The following RBFOX3 variants were observed in gnomAD, a reference collection of about 807,000 sequenced individuals.
RBFOX3 encodes the protein RNA binding protein fox-1 homolog 3.
A neutral mutation model predicts 48.7 loss-of-function variants in RBFOX3; 17 were observed. The ratio of observed to expected loss-of-function variants is 0.35; its 90% CI spans 0.24 to 0.52. RBFOX3 has a LOEUF of 0.52. Ranked by LOEUF, RBFOX3 falls within the 20% of genes least tolerant of loss-of-function variation. The pLI is 0.94. For synonymous variants in RBFOX3, 212 were observed against 209.5 expected, an observed-to-expected ratio of 1.01 and a Z score of -0.10; for missense variants, 382 against 497.5, an observed-to-expected ratio of 0.77 and a Z score of 2.21.
intron 4 of RBFOX3, among the ~76,000 whole-genome samples, chr17:79,158,980 T>C (rs745509470): frequency 6.6e-6 from 1 of 152,138 alleles, no homozygotes; most frequent in Non-Finnish European, 1.5e-5. Flanking sequence ...GCACCTGCTG[T>C]ATACTAAGCG....
chr17:79,191,012 C>G (rs1388153220), intron 4 of RBFOX3, among the ~76,000 whole-genome samples: 1 of 152,180 alleles, frequency 6.6e-6, no homozygotes, highest in Non-Finnish European at 1.5e-5. Flanking sequence ...ACTGAGGAAA[C>G]AGCATTCAGG....
chr17:79,589,261 C>T (rs2093349665), intron 1 of RBFOX3, among the ~76,000 whole-genome samples: 1 of 151,532 alleles, frequency 6.6e-6, no homozygotes, highest in Admixed American at 6.6e-5. Context: ...CGCAGGTGGG[C>T]TTCTTCTGGG....
the RBFOX3 span, among the ~76,000 whole-genome samples, chr17:79,633,718 T>C: frequency 6.6e-6 from 1 of 152,092 alleles, no homozygotes; most frequent in African/African-American, 2.4e-5. Flanking sequence ...GTCAGTAGAA[T>C]TTCCATCGTG....
At chr17:79,138,784 C>T (rs1459338619) in intron 4 of RBFOX3, among the ~76,000 whole-genome samples, 1 of 33,324 alleles carries the variant, frequency 3.0e-5, no homozygotes, top group Non-Finnish European at 6.2e-5. Context: ...ACAGCACATG[C>T]CTTCACGCCC....
intron 2 of RBFOX3, among the ~76,000 whole-genome samples, chr17:79,436,893 G>A (rs1291286222): frequency 6.6e-6 from 1 of 152,116 alleles, no homozygotes; most frequent in African/African-American, 2.4e-5. Context: ...CCCTCCACTT[G>A]GCCCCTGGTG....
chr17:79,513,216 CATA>C (rs2084743583), intron 1 of RBFOX3, among the ~76,000 whole-genome samples: 1 of 151,412 alleles, frequency 6.6e-6, no homozygotes, highest in African/African-American at 2.4e-5. Flanking sequence ...CCAGGGGACA[CATA>C]CCTGGATACA....
chr17:79,386,773 T>C (rs1472291939), intron 2 of RBFOX3, among the ~76,000 whole-genome samples: 1 of 152,056 alleles, frequency 6.6e-6, no homozygotes, highest in East Asian at 1.9e-4. Context: ...CAGGACCACA[T>C]TTCTGACTAG....
At chr17:79,122,213 A>G (rs62064680) in intron 4 of RBFOX3, among the ~76,000 whole-genome samples, 108,136 of 151,974 alleles carry the variant, frequency 0.71, 38,798 homozygotes, top group East Asian at 0.84. Flanking sequence ...CACTGCTCCC[A>G]CCTTGGTCGG....
chr17:79,474,029 T>C (rs1041680253), intron 2 of RBFOX3, among the ~76,000 whole-genome samples: 1 of 152,048 alleles, frequency 6.6e-6, no homozygotes, highest in Non-Finnish European at 1.5e-5. Flanking sequence ...AGAATAATTT[T>C]CTCCAAATCT....
In RBFOX3 at chr17:79,531,910, G is replaced by A. The variant is rs917249185; in HGVS notation, c.-319-49312C>T. ...CGCCAGGCCGCTGACCACCCGCTCC[G>A]CACACAGCAGGCTGGACAGTGCCGG... On this transcript the variant is annotated intron_variant, in intron 1 of 14. Coordinates refer to ENST00000693108, the MANE Select transcript of RBFOX3 (RefSeq NM_001350451.2). 7.7e-3 allele frequency among the ~76,000 whole-genome samples: 1,180 copies of A among 152,284 alleles called. 38 individuals carry two copies. Among genetic ancestry groups the A allele is most frequent in the East Asian group, 0.067 (346 of 5,182 alleles).
At chr17:79,537,887 TG>T (rs1555789163) in intron 1 of RBFOX3, among the ~76,000 whole-genome samples, 3 of 152,096 alleles carry the variant, frequency 2.0e-5, no homozygotes, top group Non-Finnish European at 2.9e-5. Context: ...GATGAGCTGA[TG>T]GGGGTGGGGG....
chr17:79,509,617 G>A (rs896835962), intron 1 of RBFOX3, among the ~76,000 whole-genome samples: 4 of 152,110 alleles, frequency 2.6e-5, no homozygotes, highest in Admixed American at 1.3e-4. Flanking sequence ...TTATACTAAC[G>A]GTTCCATGGC....
chr17:79,382,494 G>T (rs542436625), intron 2 of RBFOX3, among the ~76,000 whole-genome samples: 1 of 152,242 alleles, frequency 6.6e-6, no homozygotes, highest in Non-Finnish European at 1.5e-5. Context: ...GGGCAAACCT[G>T]TTTCCCATGT....
At position 79,094,541 on chromosome 17, in the gene RBFOX3, C is replaced by T. The variant is rs918641407; in HGVS notation, c.999-12G>A. On this transcript the variant is annotated splice_polypyrimidine_tract_variant and intron_variant, in intron 13 of 14. Coordinates refer to ENST00000693108, the MANE Select transcript of RBFOX3 (RefSeq NM_001350451.2). ...AGACTCTGCCGTAACTAGGGAAGAG[C>T]GTGGGAGGGGGAGTGGGAGGAGGGT... The T allele has an allele frequency of 7.4e-5, 30 of 404,110 alleles. No homozygotes were observed. Among genetic ancestry groups the T allele is most frequent in the African/African-American group, 2.7e-4 (6 of 21,948 alleles). 25.0% of individuals were successfully genotyped at this position (404,110 alleles called of 1,614,324 possible).
At chr17:79,645,619 G>A in the RBFOX3 span, among the ~76,000 whole-genome samples, 1 of 152,164 alleles carries the variant, frequency 6.6e-6, no homozygotes, top group Non-Finnish European at 1.5e-5. Context: ...AGCCCAGGGA[G>A]CCCAGGCCTG....
chr17:79,129,792 A>C (rs1038272878), intron 4 of RBFOX3, among the ~76,000 whole-genome samples: 1 of 152,256 alleles, frequency 6.6e-6, no homozygotes, highest in Non-Finnish European at 1.5e-5. Context: ...TACCAGCCTG[A>C]AATCTCTGAA....
intron 1 of RBFOX3, among the ~76,000 whole-genome samples, chr17:79,532,369 C>T (rs1188079198): frequency 7.2e-5 from 11 of 152,154 alleles, no homozygotes; most frequent in Non-Finnish European, 1.5e-5. Flanking sequence ...CCAGGTGAGC[C>T]CATTTGCACT....
intron 2 of RBFOX3, among the ~76,000 whole-genome samples, chr17:79,436,610 G>C (rs185273299): frequency 1.2e-3 from 184 of 152,310 alleles, no homozygotes; most frequent in Admixed American, 2.1e-3. Context: ...GCAGCAGTAC[G>C]TGCCTGGGCC....
At chr17:79,175,026 C>A (rs1039238517) in intron 4 of RBFOX3, among the ~76,000 whole-genome samples, 9 of 152,252 alleles carry the variant, frequency 5.9e-5, no homozygotes, top group Admixed American at 3.3e-4. Flanking sequence ...CCAGGCATGC[C>A]CCAGCCCCTC....
Sources: gnomAD v4.1 joint callset for allele counts (sites outside exome capture counted in the v4.1 genomes callset) on GRCh38, gnomAD v4.1.1 for gene constraint, MANE v1.5 for transcripts, NCBI Gene and HGNC (gene_info 2026-07-23, HGNC 2026-07-21) for gene names.